The following AOPEP variants were observed in gnomAD, a reference collection of about 807,000 sequenced individuals.
AOPEP encodes the protein aminopeptidase O (putative), also known as aminopeptidase O.
In AOPEP, 77 loss-of-function variants were observed where a neutral mutation model predicts 98.1. That is an observed-to-expected ratio of 0.78 (90% CI 0.65 to 0.95). The LOEUF is 0.95. Among genes scored for constraint, AOPEP ranks in the 40% least tolerant of loss-of-function variants. AOPEP has a pLI of 0.00. For missense variants in AOPEP, 1,024 were observed against 1,024.7 expected (o/e 1.00, Z 0.01); for synonymous variants, 346 against 365.3 (o/e 0.95, Z 0.60).
At chr9:94,929,280 C>T (rs2054895264) in intron 7 of AOPEP, among the ~76,000 whole-genome samples, 1 of 152,242 alleles carries the variant, frequency 6.6e-6, no homozygotes, top group African/African-American at 2.4e-5. Context: ...CTGCTCCTCT[C>T]CTCGCCTGTT....
chr9:94,843,193 G>A (rs911403896), intron 5 of AOPEP, among the ~76,000 whole-genome samples: 1 of 152,034 alleles, frequency 6.6e-6, no homozygotes. Flanking sequence ...AGATTCCTCC[G>A]TGCTCCAGGG....
At chr9:95,026,835 CTCCACA>C (rs1402455882) in intron 13 of AOPEP, among the ~76,000 whole-genome samples, 6 of 152,216 alleles carry the variant, frequency 3.9e-5, no homozygotes, top group Non-Finnish European at 8.8e-5. Flanking sequence ...GTCCCAGTTT[CTCCACA>C]TCTTTGCCAT....
intron 7 of AOPEP, among the ~76,000 whole-genome samples, chr9:94,952,337 T>G (rs2058159430): frequency 6.6e-6 from 1 of 152,202 alleles, no homozygotes. Context: ...CTCAAAGGAT[T>G]TTTATGATTT....
At chr9:94,885,212 A>G (rs72748546) in intron 5 of AOPEP, among the ~76,000 whole-genome samples, 4,345 of 151,372 alleles carry the variant, frequency 0.029, 170 homozygotes, top group African/African-American at 0.084. Context: ...AGCCAGGCAC[A>G]GTGATGTGTA....
chr9:94,786,008 C>T (rs1295171701), intron 3 of AOPEP, among the ~76,000 whole-genome samples: 5 of 152,156 alleles, frequency 3.3e-5, no homozygotes, highest in Non-Finnish European at 4.4e-5. Context: ...CTCATCAGGT[C>T]GCGGTTTTCA....
At chr9:94,750,892 C>T (rs573725253) in intron 1 of AOPEP, among the ~76,000 whole-genome samples, 2 of 151,224 alleles carry the variant, frequency 1.3e-5, no homozygotes, top group Non-Finnish European at 3.0e-5. Context: ...GGACTACAGG[C>T]GCCTGCCACC....
chr9:94,839,225 A>G (rs2041999770), intron 5 of AOPEP, among the ~76,000 whole-genome samples: 4 of 151,932 alleles, frequency 2.6e-5, no homozygotes, highest in African/African-American at 7.3e-5. Context: ...AGGTGGGACT[A>G]CAGGCGCCCA....
At chr9:94,745,267 C>T (rs1834199188) in intron 1 of AOPEP, among the ~76,000 whole-genome samples, 1 of 150,816 alleles carries the variant, frequency 6.6e-6, no homozygotes, top group South Asian at 2.1e-4. Flanking sequence ...TGCATGAGTT[C>T]AATTGTTTTA....
At chr9:95,101,677 C>T in the AOPEP span, 13 of 1,612,368 alleles carry the variant, frequency 8.1e-6, no homozygotes, top group African/African-American at 4.0e-5. Context: ...TGATCCCTCA[C>T]GCCGGGCACC....
At chr9:94,844,526 C>T (rs1188752250) in intron 5 of AOPEP, among the ~76,000 whole-genome samples, 1 of 152,134 alleles carries the variant, frequency 6.6e-6, no homozygotes, top group Non-Finnish European at 1.5e-5. Context: ...TTAAAGTTAT[C>T]TTGAAATATA....
At chr9:94,757,096 A>G (rs1436201308) in intron 1 of AOPEP, among the ~76,000 whole-genome samples, 4 of 152,238 alleles carry the variant, frequency 2.6e-5, no homozygotes, top group African/African-American at 9.6e-5. Flanking sequence ...AGAAGTTGGG[A>G]TTCAGTGGGG....
chr9:95,002,819 C>T (rs1201925485), intron 11 of AOPEP, among the ~76,000 whole-genome samples: 1 of 152,152 alleles, frequency 6.6e-6, no homozygotes. Flanking sequence ...TTTGAATTAC[C>T]TTTGGACGTA....
intron 5 of AOPEP, among the ~76,000 whole-genome samples, chr9:94,896,910 G>GTTTTTT (rs55947017): frequency 8.6e-6 from 1 of 115,900 alleles, no homozygotes; most frequent in Non-Finnish European, 1.9e-5. Context: ...ACTTTTGTGG[G>GTTTTTT]TTTTTTTTTT....
the AOPEP span, among the ~76,000 whole-genome samples, chr9:95,098,160 C>T: frequency 2.0e-5 from 3 of 152,174 alleles, no homozygotes; most frequent in African/African-American, 4.8e-5. Flanking sequence ...GTGCATCCGC[C>T]GTCCTCTGGG....
chr9:95,082,559 C>T lies in AOPEP; in HGVS notation c.2320-16C>T, dbSNP rs911927707. ...CACACCTTCGCCTGATGCCCTTTGG[C>T]CTCTGTGCCCTGCAGGCCATGGGTG... On this transcript the variant is annotated splice_polypyrimidine_tract_variant and intron_variant, in intron 15 of 16. Coordinates refer to ENST00000375315, the MANE Select transcript of AOPEP (RefSeq NM_001193329.3). The T allele has an allele frequency of 1.9e-6, 3 of 1,613,546 alleles. No homozygotes were observed. The highest frequency in any genetic ancestry group is 3.3e-5 in the Admixed American group (2 of 60,006).
chr9:94,750,454 G>A (rs570824783), intron 1 of AOPEP, among the ~76,000 whole-genome samples: 193 of 151,992 alleles, frequency 1.3e-3, no homozygotes, highest in African/African-American at 4.5e-3. Context: ...GCGTGGTGGC[G>A]GGCACCTGTA....
At chr9:95,135,937 C>T in the AOPEP span, among the ~76,000 whole-genome samples, 1 of 152,184 alleles carries the variant, frequency 6.6e-6, no homozygotes. Context: ...TGTATGATCT[C>T]AGAGAAGTTA....
chr9:95,065,093 T>G lies in AOPEP; in HGVS notation c.2232+4283T>G, dbSNP rs73654504. 6.0e-3 allele frequency among the ~76,000 whole-genome samples: 915 copies of G among 152,334 alleles called. 8 individuals are homozygous for G. The highest frequency in any genetic ancestry group is 0.021 in the African/African-American group (862 of 41,580). ...TTTTTCATAGTATTCTGGCTACAAA[T>G]AAGTAAGACATTTCTATTTTGTTTT... On this transcript the variant is annotated intron_variant, in intron 14 of 16. Coordinates refer to ENST00000375315, the MANE Select transcript of AOPEP (RefSeq NM_001193329.3).
chr9:95,150,088 C>G, the AOPEP span: 12 of 1,613,902 alleles, frequency 7.4e-6, no homozygotes, highest in Non-Finnish European at 9.3e-6. Flanking sequence ...GGGAGCCATT[C>G]TATGGAAGAA....
Sources: gnomAD v4.1 joint callset for allele counts (sites outside exome capture counted in the v4.1 genomes callset) on GRCh38, gnomAD v4.1.1 for gene constraint, MANE v1.5 for transcripts, NCBI Gene and HGNC (gene_info 2026-07-23, HGNC 2026-07-21) for gene names.